GALNT7: variants seen among roughly 807,000 people sequenced by gnomAD.
GALNT7 encodes the protein N-acetylgalactosaminyltransferase 7.
GALNT7 carries 60 observed loss-of-function variants against 82.1 expected under a neutral mutation model. The observed-to-expected ratio is 0.73, with a 90% CI of 0.59 to 0.91. GALNT7 has a LOEUF of 0.91. Ranked by LOEUF, GALNT7 falls within the 40% of genes least tolerant of loss-of-function variation. The pLI is 0.00. For synonymous variants in GALNT7, 243 were observed against 275.1 expected (o/e 0.88, Z 1.15); for missense variants, 660 against 804.2 (o/e 0.82, Z 2.17).
At chr4:173,285,681 T>C (rs1478557307) in intron 2 of GALNT7, among the ~76,000 whole-genome samples, 1 of 152,232 alleles carries the variant, frequency 6.6e-6, no homozygotes, top group African/African-American at 2.4e-5. Context: ...TTTTATAGAC[T>C]TCACATATAT....
intron 1 of GALNT7, among the ~76,000 whole-genome samples, chr4:173,180,818 C>T (rs1472198718): frequency 2.0e-5 from 3 of 152,186 alleles, no homozygotes; most frequent in Non-Finnish European, 4.4e-5. Flanking sequence ...CAGTATTTTG[C>T]CATGCAATTT....
At chr4:173,176,520 G>T (rs973831785) in intron 1 of GALNT7, among the ~76,000 whole-genome samples, 5 of 152,192 alleles carry the variant, frequency 3.3e-5, no homozygotes, top group African/African-American at 1.2e-4. Flanking sequence ...TAAATAAAAT[G>T]AGTAATAACC....
intron 1 of GALNT7, among the ~76,000 whole-genome samples, chr4:173,178,033 G>A (rs1025227553): frequency 2.5e-5 from 3 of 118,212 alleles, no homozygotes; most frequent in Non-Finnish European, 5.2e-5. Context: ...GTGTGTGTGT[G>A]TGTGTGTGTG....
chr4:173,275,258 TG>T (rs1208899292), intron 2 of GALNT7, among the ~76,000 whole-genome samples: 1 of 152,248 alleles, frequency 6.6e-6, no homozygotes, highest in African/African-American at 2.4e-5. Flanking sequence ...GCAAGCTGAA[TG>T]GTCCAATGAC....
At chr4:173,288,473 A>G (rs1736421381) in intron 2 of GALNT7, among the ~76,000 whole-genome samples, 1 of 151,854 alleles carries the variant, frequency 6.6e-6, no homozygotes, top group Admixed American at 6.6e-5. Context: ...CCCATGGAGA[A>G]AAAAATCCCA....
Position 173,178,046 on chromosome 4 carries a change from TGTGTGTGC to T in GALNT7, c.126+9087_126+9094del, listed in dbSNP as rs1223874250. On this transcript the variant is annotated intron_variant, in intron 1 of 11. Coordinates refer to ENST00000265000, the MANE Select transcript of GALNT7 (RefSeq NM_017423.3). ...GTGTGTGTGTGTGTGTGTGTGTGTG[TGTGTGTGC>T]GCGCACGCGCGTGCGCACAGACACC... is the stretch of plus-strand genomic sequence containing the variant. 9.1e-4 allele frequency among the ~76,000 whole-genome samples: 96 copies of T among 105,386 alleles called. 1 individual carries two copies. The highest frequency in any genetic ancestry group is 9.7e-4 in the Admixed American group (11 of 11,382). The allele number at this position is 105,386 out of a possible 152,430, so 69.1% of individuals were successfully genotyped here. A position where few individuals can be genotyped will look rare whatever the true frequency, so the allele number is the denominator to read the frequency against.
At chr4:173,289,263 C>T (rs1470092585) in intron 2 of GALNT7, among the ~76,000 whole-genome samples, 1 of 152,172 alleles carries the variant, frequency 6.6e-6, no homozygotes, top group Non-Finnish European at 1.5e-5. Context: ...TTCTGATGAT[C>T]CCTTCTTCCT....
chr4:173,254,642 C>T (rs1159237804), intron 2 of GALNT7, among the ~76,000 whole-genome samples: 1 of 152,192 alleles, frequency 6.6e-6, no homozygotes, highest in Non-Finnish European at 1.5e-5. Context: ...GCCCTAGTTT[C>T]TGTTTTTGGA....
At chr4:173,305,823 T>C (rs1438682599) in intron 8 of GALNT7, among the ~76,000 whole-genome samples, 1 of 152,176 alleles carries the variant, frequency 6.6e-6, no homozygotes, top group African/African-American at 2.4e-5. Flanking sequence ...TGAAATCAGG[T>C]AGTGTGATGC....
At chr4:173,176,194 A>G (rs1732037338) in intron 1 of GALNT7, among the ~76,000 whole-genome samples, 1 of 152,212 alleles carries the variant, frequency 6.6e-6, no homozygotes, top group Non-Finnish European at 1.5e-5. Context: ...TATCATGCAA[A>G]TCTGGCGGAA....
rs529114577 is a variant in GALNT7, at chr4:173,289,296, T to C, written c.588-2812T>C. ...CCTGCACCTAAATATGTTGTAGTTT[T>C]GCCAATGCACCATAATGTAGCAGTT... is the stretch of plus-strand genomic sequence containing the variant. On this transcript the variant is annotated intron_variant, in intron 2 of 11. Coordinates refer to ENST00000265000, the MANE Select transcript of GALNT7 (RefSeq NM_017423.3). Among the ~76,000 whole-genome samples the C allele has an allele frequency of 2.0e-5, 3 of 152,318 alleles. No homozygotes were observed. The South Asian group carries it at 6.2e-4, about 32-fold the overall frequency.
At chr4:173,260,469 T>C (rs919766298) in intron 2 of GALNT7, among the ~76,000 whole-genome samples, 10 of 152,238 alleles carry the variant, frequency 6.6e-5, no homozygotes, top group African/African-American at 2.4e-4. Context: ...GTTATAGAAG[T>C]ATAATCATTA....
At chr4:173,183,351 G>A (rs954845567) in intron 1 of GALNT7, among the ~76,000 whole-genome samples, 1 of 151,696 alleles carries the variant, frequency 6.6e-6, no homozygotes, top group Non-Finnish European at 1.5e-5. Context: ...TCTTGAGAGG[G>A]ATGAATGATG....
intron 1 of GALNT7, among the ~76,000 whole-genome samples, chr4:173,240,629 A>G (rs1449245292): frequency 1.3e-5 from 2 of 152,146 alleles, no homozygotes; most frequent in African/African-American, 4.8e-5. Flanking sequence ...TTGGCCTCCC[A>G]AAGTGCTGAG....
At chr4:173,180,777 C>T (rs1318263337) in intron 1 of GALNT7, among the ~76,000 whole-genome samples, 1 of 152,186 alleles carries the variant, frequency 6.6e-6, no homozygotes, top group African/African-American at 2.4e-5. Flanking sequence ...TAAATCTTTA[C>T]CCTTCTCCTG....
rs530361352 is a variant in GALNT7 at position 173,204,441 on chromosome 4, C to T, written c.126+35480C>T. On this transcript the variant is annotated intron_variant, in intron 1 of 11. Coordinates refer to ENST00000265000, the MANE Select transcript of GALNT7 (RefSeq NM_017423.3). ...AGCTTACTGAGCCTTTGACTCTCTT[C>T]TTCAATTCAGTTCAAATATTTGCTG... Among the ~76,000 whole-genome samples, 8 of 152,308 alleles carry T rather than the reference C, an allele frequency of 5.3e-5. 1 individual carries two copies. The South Asian group carries it at 1.7e-3, about 32-fold the overall frequency.
intron 1 of GALNT7, among the ~76,000 whole-genome samples, chr4:173,217,003 T>TTCTG (rs1733493094): frequency 6.6e-6 from 1 of 151,812 alleles, no homozygotes; most frequent in African/African-American, 2.4e-5. Flanking sequence ...AGTGCTGGGA[T>TTCTG]TACAGGTGTG....
At chr4:173,316,914 A>G (rs1737626495) in intron 9 of GALNT7, 1 of 152,156 alleles carries the variant, frequency 6.6e-6, no homozygotes, top group Non-Finnish European at 1.5e-5. Context: ...CTGTCTCTCT[A>G]CAGGCGGTGA....
intron 1 of GALNT7, among the ~76,000 whole-genome samples, chr4:173,178,044 T>TGCGCGCGC (rs778689846): frequency 9.2e-6 from 1 of 109,036 alleles, no homozygotes; most frequent in South Asian, 3.2e-4. Context: ...TGTGTGTGTG[T>TGCGCGCGC]GTGTGTGTGC....
Sources: gnomAD v4.1 joint callset for allele counts (sites outside exome capture counted in the v4.1 genomes callset) on GRCh38, gnomAD v4.1.1 for gene constraint, MANE v1.5 for transcripts, NCBI Gene and HGNC (gene_info 2026-07-23, HGNC 2026-07-21) for gene names.